RPS6KA2: variants seen among roughly 807,000 people sequenced by gnomAD.
RPS6KA2 encodes the protein ribosomal protein S6 kinase A2.
RPS6KA2 carries 42 observed loss-of-function variants against 91.8 expected under a neutral mutation model. The ratio of observed to expected loss-of-function variants is 0.46; its 90% CI spans 0.36 to 0.59. The LOEUF (loss-of-function observed/expected upper bound fraction) is 0.59. Among genes scored for constraint, RPS6KA2 ranks in the 20% least tolerant of loss-of-function variants. RPS6KA2 has a pLI of 0.00. For synonymous variants in RPS6KA2, 414 were observed against 393.6 expected (o/e 1.05, Z -0.61); for missense variants, 798 against 978.5 (o/e 0.82, Z 2.46).
chr6:166,470,334 G>A (rs1340815846), intron 10 of RPS6KA2, among the ~76,000 whole-genome samples: 1 of 152,192 alleles, frequency 6.6e-6, no homozygotes, highest in Non-Finnish European at 1.5e-5. Flanking sequence ...CAGTTAACCC[G>A]GGAGGGAAGG....
intron 2 of RPS6KA2, among the ~76,000 whole-genome samples, chr6:166,685,770 A>T (rs1788992260): frequency 6.6e-6 from 1 of 152,186 alleles, no homozygotes; most frequent in African/African-American, 2.4e-5. Context: ...ACAGCCAGGT[A>T]CTTGGTGCCC....
intron 2 of RPS6KA2, among the ~76,000 whole-genome samples, chr6:166,846,755 A>G (rs9356525): frequency 0.55 from 83,813 of 152,016 alleles, 25,167 homozygotes; most frequent in Middle Eastern, 0.73. Context: ...CCAACATTAT[A>G]CTGAACGAGG....
chr6:166,802,653 G>T (rs549381601), intron 2 of RPS6KA2, among the ~76,000 whole-genome samples: 2 of 152,290 alleles, frequency 1.3e-5, no homozygotes, highest in African/African-American at 4.8e-5. Flanking sequence ...CCCCCAGTTT[G>T]CAGCTGGAGA....
rs552241729 is a variant in RPS6KA2, at chr6:166,849,604, G to A, written c.123+8596C>T. The stretch of plus-strand genomic sequence containing the variant: ...GTGGAAATCCATGAGACCGTTCATC[G>A]TTTCAAGAAGGACATTGCAATGTTT... On this transcript the variant is annotated intron_variant, in intron 2 of 21. Coordinates refer to the RPS6KA2 transcript ENST00000503859. This position sits in a 1 kb window ranked among gnomAD's most constrained non-coding sequence, Gnocchi z 4.9. Among the ~76,000 whole-genome samples, 15 of 152,286 alleles carry A rather than the reference G, an allele frequency of 9.8e-5. No individual in the cohort carries two copies. Among genetic ancestry groups the A allele is most frequent in the South Asian group, 8.3e-4 (4 of 4,830 alleles).
intron 14 of RPS6KA2, among the ~76,000 whole-genome samples, chr6:166,443,524 A>G (rs1779585564): frequency 6.6e-6 from 1 of 152,246 alleles, no homozygotes; most frequent in Non-Finnish European, 1.5e-5. Context: ...CAGACTCCTC[A>G]CATGGAGACG....
chr6:166,485,337 A>G (rs1022673034), intron 10 of RPS6KA2, among the ~76,000 whole-genome samples: 1 of 152,222 alleles, frequency 6.6e-6, no homozygotes, highest in Non-Finnish European at 1.5e-5. Flanking sequence ...GCTTCTGTGC[A>G]TTTTGTGGCA....
chr6:166,831,578 C>A (rs142252742), intron 2 of RPS6KA2, among the ~76,000 whole-genome samples: 2 of 151,828 alleles, frequency 1.3e-5, no homozygotes, highest in African/African-American at 2.4e-5. Flanking sequence ...CACTGAGAGA[C>A]GCTCCCTTAG....
At chr6:166,497,009 A>C (rs988648895) in intron 8 of RPS6KA2, among the ~76,000 whole-genome samples, 3 of 152,186 alleles carry the variant, frequency 2.0e-5, no homozygotes, top group Non-Finnish European at 2.9e-5. Flanking sequence ...GGAAACCCAC[A>C]CATGTGGAAG....
intron 20 of RPS6KA2, among the ~76,000 whole-genome samples, chr6:166,413,390 A>G (rs1404082266): frequency 3.9e-5 from 6 of 152,130 alleles, no homozygotes; most frequent in African/African-American, 1.4e-4. Flanking sequence ...TAACTGGATC[A>G]TGCCTATTCC....
At chr6:166,725,159 C>T (rs1266989448) in intron 2 of RPS6KA2, among the ~76,000 whole-genome samples, 1 of 152,008 alleles carries the variant, frequency 6.6e-6, no homozygotes, top group Non-Finnish European at 1.5e-5. Flanking sequence ...CCATTTATCC[C>T]TTGGTTTCCT....
chr6:166,660,138 T>C (rs1788119707), intron 2 of RPS6KA2, among the ~76,000 whole-genome samples: 1 of 152,132 alleles, frequency 6.6e-6, no homozygotes, highest in South Asian at 2.1e-4. Flanking sequence ...TCTGTTTTAC[T>C]TTTTTTCCAC....
rs1450987083 is a variant in RPS6KA2 at position 166,530,316 on chromosome 6, C to T, written c.298+916G>A. Among the ~76,000 whole-genome samples the T allele has an allele frequency of 2.6e-5, 4 of 152,302 alleles. No homozygotes were observed. In the East Asian group the frequency reaches 7.7e-4, roughly 29 times the overall value. ...CCCCATAAGCTGGACCAGCTGCCCCCATCCAGCACCCACCCTAAAAGGCTT... is the reference window on the plus strand; with the variant it reads ...CCCCATAAGCTGGACCAGCTGCCCCTATCCAGCACCCACCCTAAAAGGCTT... On this transcript the variant is annotated intron_variant, in intron 3 of 20. Transcript: ENST00000265678.
intron 2 of RPS6KA2, among the ~76,000 whole-genome samples, chr6:166,748,757 CGGGCCCCCATCCCCTT>C (rs1791142505): frequency 7.5e-5 from 1 of 13,370 alleles, no homozygotes; most frequent in Non-Finnish European, 1.3e-4. Context: ...CCCATCTCCT[CGGGCCCCCATCCCCTT>C]GGGCCCCCAT....
intron 2 of RPS6KA2, among the ~76,000 whole-genome samples, chr6:166,734,462 C>T (rs369697086): frequency 1.3e-3 from 205 of 152,306 alleles, no homozygotes; most frequent in African/African-American, 4.7e-3. Context: ...CAAGCCATCA[C>T]CATCTTACCA....
At chr6:166,558,965 T>C (rs1784259983) in intron 1 of RPS6KA2, among the ~76,000 whole-genome samples, 1 of 152,224 alleles carries the variant, frequency 6.6e-6, no homozygotes, top group Non-Finnish European at 1.5e-5. Flanking sequence ...TGTATTTGTG[T>C]ATTTTGTGGT....
chr6:166,595,837 A>T (rs1785516508), intron 1 of RPS6KA2, among the ~76,000 whole-genome samples: 1 of 152,258 alleles, frequency 6.6e-6, no homozygotes, highest in African/African-American at 2.4e-5. Context: ...TCAATGTATT[A>T]CCAATAAAGG....
intron 2 of RPS6KA2, among the ~76,000 whole-genome samples, chr6:166,688,801 A>G (rs1240770689): frequency 6.6e-6 from 1 of 152,230 alleles, no homozygotes; most frequent in Non-Finnish European, 1.5e-5. Context: ...CTTCATGTCC[A>G]CATGAACCCA....
intron 1 of RPS6KA2, among the ~76,000 whole-genome samples, chr6:166,598,590 C>G (rs1207275239): frequency 1.1e-4 from 16 of 152,218 alleles, no homozygotes. Flanking sequence ...GTCTGCCCAT[C>G]ATGCACTGAG....
chr6:166,478,015 G>A (rs1342490008), intron 10 of RPS6KA2, among the ~76,000 whole-genome samples: 2 of 152,216 alleles, frequency 1.3e-5, no homozygotes, highest in Admixed American at 1.3e-4. Flanking sequence ...GAATAAATAC[G>A]TCCAGCATCT....
Sources: allele counts gnomAD v4.1 joint callset (sites outside exome capture counted in the v4.1 genomes callset), GRCh38; gene constraint gnomAD v4.1.1; non-coding constraint Gnocchi (gnomAD v3.1); transcripts MANE v1.5; gene names NCBI Gene and HGNC (gene_info 2026-07-23, HGNC 2026-07-21).